Variants in CADM2 observed in about 807,000 individuals in gnomAD.
The protein encoded by CADM2 is cell adhesion molecule 2, also known as immunoglobulin superfamily member 4D.
A neutral mutation model predicts 49.8 loss-of-function variants in CADM2; 12 were observed. The observed-to-expected ratio is 0.24, with a 90% confidence interval of 0.15 to 0.39. The LOEUF (loss-of-function observed/expected upper bound fraction) is 0.39. CADM2 is among the 10% of genes least tolerant of loss of function. The probability of loss-of-function intolerance (pLI) is 1.00; values close to 1 mark genes in which losing one functional copy is unlikely to be tolerated. For missense variants in CADM2, 378 were observed against 492.3 expected (o/e 0.77, Z 2.20); for synonymous variants, 214 against 175.4 (o/e 1.22, Z -1.74).
intron 1 of CADM2, among the ~76,000 whole-genome samples, chr3:85,652,772 CTTTTTTTTT>C (rs34756757): frequency 3.9e-5 from 2 of 50,782 alleles, no homozygotes; most frequent in South Asian, 9.7e-4. Flanking sequence ...TTTTTCTTTT[CTTTTTTTTT>C]TTTTTTTTTT....
chr3:85,035,616 CTCTAGTTTCATTCT>C (rs1263229886), intron 1 of CADM2, among the ~76,000 whole-genome samples: 1 of 152,056 alleles, frequency 6.6e-6, no homozygotes, highest in Non-Finnish European at 1.5e-5. Context: ...GGAGATAGGA[CTCTAGTTTCATTCT>C]TCTACATGTG....
At chr3:85,784,077 C>G (rs547888176) in intron 2 of CADM2, among the ~76,000 whole-genome samples, 1 of 152,314 alleles carries the variant, frequency 6.6e-6, no homozygotes, top group African/African-American at 2.4e-5. Context: ...CTCACACACA[C>G]TGCACGCACA....
chr3:85,682,084 C>G (rs2066054441), intron 1 of CADM2, among the ~76,000 whole-genome samples: 2 of 152,044 alleles, frequency 1.3e-5, no homozygotes, highest in Non-Finnish European at 2.9e-5. Context: ...CACAAATAGA[C>G]AGGCTGACAA....
intron 1 of CADM2, among the ~76,000 whole-genome samples, chr3:85,689,698 A>G (rs927704184): frequency 2.0e-5 from 3 of 152,218 alleles, no homozygotes; most frequent in Non-Finnish European, 2.9e-5. Context: ...GGTGTGGGGT[A>G]TAGAGTTGAT....
At chr3:85,215,617 C>T (rs1400160369) in intron 1 of CADM2, among the ~76,000 whole-genome samples, 3 of 151,934 alleles carry the variant, frequency 2.0e-5, no homozygotes, top group African/African-American at 7.3e-5. Context: ...ACCCCTAGTC[C>T]CCTGGATTTG....
At chr3:85,606,989 C>A (rs2063555691) in intron 1 of CADM2, among the ~76,000 whole-genome samples, 1 of 151,870 alleles carries the variant, frequency 6.6e-6, no homozygotes. Context: ...AAGAAGATAC[C>A]ATTATTGACA....
At chr3:85,562,468 A>C in intron 1 of CADM2, among the ~76,000 whole-genome samples, 1 of 135,426 alleles carries the variant, frequency 7.4e-6, no homozygotes, top group Non-Finnish European at 1.6e-5. Context: ...ACAAGAGAGA[A>C]ACTCCATCTC....
chr3:85,674,617 A>C (rs1359582225), intron 1 of CADM2, among the ~76,000 whole-genome samples: 2 of 152,210 alleles, frequency 1.3e-5, no homozygotes, highest in Non-Finnish European at 2.9e-5. Flanking sequence ...AACAGATGAA[A>C]GAAAAATCAT....
chr3:85,672,218 ACT>A lies in CADM2; in HGVS notation c.62-54300_62-54299del, dbSNP rs2065761197. 2.2e-5 allele frequency among the ~76,000 whole-genome samples: 3 copies of A among 139,418 alleles called. No individual in the cohort carries two copies. In the Admixed American group the frequency reaches 2.2e-4, roughly 10 times the overall value. The allele number at this position is 139,418 out of a possible 152,430, so 91.5% of individuals were successfully genotyped here. A position where few individuals can be genotyped will look rare whatever the true frequency, so the allele number is the denominator to read the frequency against. ...TTTTTTTTTTTTTTTTTTGAGACAGACTCTCGGTCTTTCGCCCAGGCCAGAGT... is the reference window on the plus strand; with the variant it reads ...TTTTTTTTTTTTTTTTTTGAGACAGACTCGGTCTTTCGCCCAGGCCAGAGT... On this transcript the variant is annotated intron_variant, in intron 1 of 9. Coordinates refer to ENST00000383699, the MANE Select transcript of CADM2 (RefSeq NM_001167675.2).
intron 1 of CADM2, among the ~76,000 whole-genome samples, chr3:85,268,364 G>A (rs528971271): frequency 2.6e-5 from 4 of 151,350 alleles, no homozygotes; most frequent in Non-Finnish European, 5.9e-5. Flanking sequence ...TGGCATATTT[G>A]TGACATTTAT....
chr3:85,199,349 G>A (rs921110059), intron 1 of CADM2, among the ~76,000 whole-genome samples: 12 of 144,684 alleles, frequency 8.3e-5, no homozygotes, highest in African/African-American at 3.2e-4. Flanking sequence ...GTGTGTGTGT[G>A]TGTGTGTGTG....
At chr3:85,334,681 A>G (rs1412255227) in intron 1 of CADM2, among the ~76,000 whole-genome samples, 2 of 151,632 alleles carry the variant, frequency 1.3e-5, no homozygotes, top group Non-Finnish European at 3.0e-5. Flanking sequence ...TTCAAATGTT[A>G]ACAAAAATGC....
chr3:85,687,632 A>G (rs2066255066), intron 1 of CADM2, among the ~76,000 whole-genome samples: 1 of 152,186 alleles, frequency 6.6e-6, no homozygotes, highest in African/African-American at 2.4e-5. Context: ...TTTATTTTCT[A>G]CTTATTGTAA....
At chr3:85,806,484 T>C (rs2072428124) in intron 3 of CADM2, among the ~76,000 whole-genome samples, 1 of 152,176 alleles carries the variant, frequency 6.6e-6, no homozygotes, top group South Asian at 2.1e-4. Flanking sequence ...GGAAAAGCCT[T>C]GTTTACATGA....
chr3:85,427,180 A>ATAT (rs1438337864), intron 1 of CADM2, among the ~76,000 whole-genome samples: 23 of 58,212 alleles, frequency 4.0e-4, no homozygotes, highest in African/African-American at 7.5e-4. Flanking sequence ...ATATATATAT[A>ATAT]TATATATATA....
chr3:86,011,806 C>G (rs959064989), intron 8 of CADM2, among the ~76,000 whole-genome samples: 1 of 151,678 alleles, frequency 6.6e-6, no homozygotes, highest in African/African-American at 2.4e-5. Flanking sequence ...TGGAAACGTA[C>G]GAACATAAAT....
chr3:85,662,966 T>C (rs947320170), intron 1 of CADM2, among the ~76,000 whole-genome samples: 1 of 151,992 alleles, frequency 6.6e-6, no homozygotes, highest in Non-Finnish European at 1.5e-5. Flanking sequence ...ATCCTACCCT[T>C]TCTGGGTGCC....
intron 1 of CADM2, among the ~76,000 whole-genome samples, chr3:85,293,377 C>T (rs2043859270): frequency 1.3e-5 from 2 of 149,888 alleles, no homozygotes; most frequent in African/African-American, 2.5e-5. Context: ...GAACTGGTAC[C>T]ATTCCTTCTG....
chr3:85,212,880 T>TTCTCTCTCTCTCTCTCTCTCTCTCTCTC (rs1464108938), intron 1 of CADM2, among the ~76,000 whole-genome samples: 2 of 89,128 alleles, frequency 2.2e-5, no homozygotes, highest in East Asian at 4.4e-4. Context: ...CTTTCTTTCT[T>TTCTCTCTCTCTCTCTCTCTCTCTCTCTC]TCTTTCTCTT....
Sources: gnomAD v4.1 joint callset for allele counts (sites outside exome capture counted in the v4.1 genomes callset) on GRCh38, gnomAD v4.1.1 for gene constraint, MANE v1.5 for transcripts, NCBI Gene and HGNC (gene_info 2026-07-23, HGNC 2026-07-21) for gene names.